Variants in TRPM3 observed in about 807,000 individuals in gnomAD.
TRPM3 encodes transient receptor potential cation channel subfamily M member 3, also known as long transient receptor potential channel 3.
TRPM3 carries 77 observed loss-of-function variants against 181.2 expected under a neutral mutation model. The ratio of observed to expected loss-of-function variants is 0.42; its 90% CI spans 0.35 to 0.51. The LOEUF (loss-of-function observed/expected upper bound fraction) is 0.51, where lower values mean the gene tolerates loss of function less well. Ranked by LOEUF, TRPM3 falls within the 20% of genes least tolerant of loss-of-function variation. TRPM3 has a pLI of 0.01. For missense variants in TRPM3, 1,759 were observed against 2,196.7 expected, an observed-to-expected ratio of 0.80 and a Z score of 3.98; for synonymous variants, 745 against 796.4, an observed-to-expected ratio of 0.94 and a Z score of 1.09.
chr9:70,613,857 G>A (rs762987480), intron 18 of TRPM3, among the ~76,000 whole-genome samples: 1 of 152,112 alleles, frequency 6.6e-6, no homozygotes, highest in Non-Finnish European at 1.5e-5. Context: ...GCTGAGCAGG[G>A]GAAGCTACCT....
At chr9:71,167,881 G>A (rs1267044733) in intron 1 of TRPM3, among the ~76,000 whole-genome samples, 1 of 152,136 alleles carries the variant, frequency 6.6e-6, no homozygotes, top group Admixed American at 6.5e-5. Flanking sequence ...GGAGGGCAGG[G>A]TGTAGAATAA....
chr9:71,168,540 ATT>A (rs2076654534), intron 1 of TRPM3, among the ~76,000 whole-genome samples: 1 of 10,500 alleles, frequency 9.5e-5, no homozygotes, highest in Admixed American at 8.6e-4. Context: ...GGTGTGATTT[ATT>A]TATTTATTTA....
chr9:71,321,272 C>T (rs1031466726), intron 1 of TRPM3, among the ~76,000 whole-genome samples: 127 of 152,262 alleles, frequency 8.3e-4, no homozygotes, highest in African/African-American at 3.0e-3. Context: ...CCTAATGCCA[C>T]TAAACTAGAC....
At chr9:70,620,563 G>T (rs2063472863) in intron 15 of TRPM3, among the ~76,000 whole-genome samples, 198 bp from the exon 16 acceptor site, 1 of 152,158 alleles carries the variant, frequency 6.6e-6, no homozygotes, top group Non-Finnish European at 1.5e-5. Flanking sequence ...TAAGCACAGT[G>T]CTGAGGGAAC....
chr9:71,278,326 C>T (rs920348118), intron 1 of TRPM3, among the ~76,000 whole-genome samples: 2 of 152,168 alleles, frequency 1.3e-5, no homozygotes, highest in Admixed American at 6.5e-5. Context: ...AACATTAGCA[C>T]TTGGCCATGC....
At chr9:70,991,553 C>CTTTTT (rs1239260756) in intron 1 of TRPM3, among the ~76,000 whole-genome samples, 1 of 52,110 alleles carries the variant, frequency 1.9e-5, no homozygotes, top group South Asian at 8.4e-4. Flanking sequence ...TACTATGTGT[C>CTTTTT]TGTTTTTTTT....
chr9:70,672,875 A>T (rs1423856077), intron 9 of TRPM3, among the ~76,000 whole-genome samples: 1 of 152,078 alleles, frequency 6.6e-6, no homozygotes, highest in Non-Finnish European at 1.5e-5. Flanking sequence ...AACTAGGGTC[A>T]TCTGGGCAGC....
Position 70,786,094 on chromosome 9 carries a change from G to A in TRPM3, c.974-1815C>T, listed in dbSNP as rs371038519. 5.3e-5 allele frequency among the ~76,000 whole-genome samples: 8 copies of A among 152,078 alleles called. No homozygotes were observed. In the South Asian group the frequency reaches 1.7e-3, roughly 32 times the overall value. On this transcript the variant is annotated intron_variant, in intron 6 of 25. Transcript: ENST00000677713. The stretch of plus-strand genomic sequence containing the variant: ...TAGGTCTCCTTAAGGCTCTCTTCAG[G>A]TGTCTGTAAAGGAGACAGTTTCCTT...
chr9:70,592,242 T>G (rs187468965), intron 21 of TRPM3, among the ~76,000 whole-genome samples: 2 of 152,196 alleles, frequency 1.3e-5, no homozygotes, highest in Non-Finnish European at 2.9e-5. Flanking sequence ...ACGTTAAATA[T>G]GATACTGGCC....
At chr9:70,994,761 C>T (rs533886874) in intron 1 of TRPM3, among the ~76,000 whole-genome samples, 64 of 152,326 alleles carry the variant, frequency 4.2e-4, no homozygotes, top group African/African-American at 1.5e-3. Flanking sequence ...ACACGTGCAT[C>T]AGCTAAATTC....
intron 12 of TRPM3, among the ~76,000 whole-genome samples, chr9:70,630,388 T>G (rs909921728): frequency 1.1e-4 from 17 of 152,222 alleles, no homozygotes; most frequent in African/African-American, 4.1e-4. Context: ...TTGATGTAGC[T>G]TCCAGTGATC....
intron 1 of TRPM3, among the ~76,000 whole-genome samples, chr9:70,936,062 G>T (rs2096826067): frequency 6.6e-6 from 1 of 152,166 alleles, no homozygotes. Context: ...ATTAACTTTG[G>T]CTTCAAAACC....
chr9:70,941,401 C>G (rs2133559201), intron 1 of TRPM3, among the ~76,000 whole-genome samples: 1 of 152,308 alleles, frequency 6.6e-6, no homozygotes, highest in South Asian at 2.1e-4. Context: ...CTCAGGCCGT[C>G]AGCCACAGAC....
intron 1 of TRPM3, among the ~76,000 whole-genome samples, chr9:70,919,928 A>G (rs2096638247): frequency 6.6e-6 from 1 of 152,192 alleles, no homozygotes; most frequent in African/African-American, 2.4e-5. Context: ...CCATCTGTCC[A>G]TCAATCAATG....
intron 1 of TRPM3, among the ~76,000 whole-genome samples, chr9:71,358,257 TC>T (rs1178251034): frequency 4.6e-5 from 7 of 152,204 alleles, no homozygotes; most frequent in Non-Finnish European, 1.0e-4. Context: ...TGATGCTTTT[TC>T]TTTTTGGTTT....
At chr9:70,814,664 CTCTT>C (rs1477059129) in intron 6 of TRPM3, among the ~76,000 whole-genome samples, 1 of 152,124 alleles carries the variant, frequency 6.6e-6, no homozygotes, top group Non-Finnish European at 1.5e-5. Context: ...CCTGACCTGA[CTCTT>C]TCCTTTTGTT....
intron 1 of TRPM3, among the ~76,000 whole-genome samples, chr9:71,437,581 A>G (rs899461435): frequency 6.6e-6 from 1 of 152,076 alleles, no homozygotes; most frequent in Non-Finnish European, 1.5e-5. Context: ...TGCAAAACCT[A>G]AAACACCAGC....
At chr9:71,445,933 T>C (rs1157484921) in intron 1 of TRPM3, among the ~76,000 whole-genome samples, 1 of 152,212 alleles carries the variant, frequency 6.6e-6, no homozygotes, top group African/African-American at 2.4e-5. Flanking sequence ...GAAAACATAA[T>C]ATTCACATAC....
intron 22 of TRPM3, among the ~76,000 whole-genome samples, chr9:70,581,381 C>T (rs1260350384): frequency 1.3e-5 from 2 of 152,280 alleles, no homozygotes; most frequent in Non-Finnish European, 2.9e-5. Flanking sequence ...CATCACTTGA[C>T]AGACGTGGTC....
Sources: gnomAD v4.1 joint callset for allele counts (sites outside exome capture counted in the v4.1 genomes callset) on GRCh38, gnomAD v4.1.1 for gene constraint, MANE v1.5 for transcripts, NCBI Gene and HGNC (gene_info 2026-07-23, HGNC 2026-07-21) for gene names.